Variants in CPS1 observed in about 807,000 individuals in gnomAD.
The protein encoded by CPS1 is carbamoyl-phosphate synthase [ammonia], mitochondrial.
Under a neutral mutation model 174.6 loss-of-function variants are expected in CPS1, and 109 were observed. That is an observed-to-expected ratio of 0.62 (90% CI 0.53 to 0.73). The LOEUF is 0.73. Among genes scored for constraint, CPS1 ranks in the 30% least tolerant of loss-of-function variants. The probability of loss-of-function intolerance (pLI) is 0.00; values close to 1 mark genes in which losing one functional copy is unlikely to be tolerated. For missense variants in CPS1, 1,689 were observed against 1,821.9 expected, an observed-to-expected ratio of 0.93 and a Z score of 1.33; for synonymous variants, 637 against 632.0, an observed-to-expected ratio of 1.01 and a Z score of -0.12.
intron 18 of CPS1, among the ~76,000 whole-genome samples, chr2:210,608,131 A>C (rs1450464094): frequency 6.6e-6 from 1 of 151,912 alleles, no homozygotes; most frequent in Non-Finnish European, 1.5e-5. Flanking sequence ...GTAGCAATGC[A>C]TGTAGTGCAC....
chr2:210,674,854 G>A (rs775882461), intron 34 of CPS1, 48 bp from the exon 35 acceptor site: 2 of 1,396,712 alleles, frequency 1.4e-6, no homozygotes, highest in South Asian at 2.3e-5. Context: ...TTGCATAAAT[G>A]AAGAGCATGT....
chr2:210,545,178 TG>T (rs1337019262), intron 1 of CPS1, among the ~76,000 whole-genome samples: 2 of 152,088 alleles, frequency 1.3e-5, no homozygotes, highest in East Asian at 3.9e-4. Flanking sequence ...GGTCTGGTCA[TG>T]GCAATCCTGT....
intron 1 of CPS1, among the ~76,000 whole-genome samples, chr2:210,560,043 G>A (rs1022759858): frequency 6.6e-6 from 1 of 151,976 alleles, no homozygotes; most frequent in Non-Finnish European, 1.5e-5. Flanking sequence ...TATTTGATAA[G>A]AATTCTCAAA....
At chr2:210,607,960 A>G (rs1468077065) in intron 18 of CPS1, among the ~76,000 whole-genome samples, 1 of 151,900 alleles carries the variant, frequency 6.6e-6, no homozygotes, top group East Asian at 1.9e-4. Context: ...ACTCCACTGT[A>G]TTCTTAGGTA....
In CPS1 at chr2:210,648,003, T is replaced by C. The variant is rs761077723; in HGVS notation, c.3282T>C (p.Ala1094=). 5 of 1,614,054 alleles carry C rather than the reference T, an allele frequency of 3.1e-6. No individual in the cohort carries two copies. The African/African-American group carries it at 6.7e-5, about 22-fold the overall frequency. ...CTGAGGATCGCTCCATCTTCTCAGC[T>C]GTCTTGGATGAGCTGAAGGTGGCTC... ...DRAEDRSIFS[A]VLDELKVAQA... Residue 1094 remains alanine, a synonymous_variant, in exon 26 of 38, where the codon GCT becomes GCC. Transcript: ENST00000233072.
chr2:210,674,723 G>A (rs1701462739), intron 34 of CPS1, 179 bp from the exon 35 acceptor site: 8 of 634,504 alleles, frequency 1.3e-5, no homozygotes, highest in Non-Finnish European at 2.0e-5. Flanking sequence ...TTGACATTGG[G>A]ATATAGCTAA....
At chr2:210,486,246 C>G (rs1486209061) in intron 1 of CPS1, among the ~76,000 whole-genome samples, 2 of 151,248 alleles carry the variant, frequency 1.3e-5, no homozygotes, top group East Asian at 3.9e-4. Flanking sequence ...TGTTTATTTA[C>G]TTAATATTAT....
At chr2:210,623,133 A>G (rs74583594) in intron 21 of CPS1, among the ~76,000 whole-genome samples, 10,195 of 151,988 alleles carry the variant, frequency 0.067, 475 homozygotes, top group East Asian at 0.13. Context: ...TGTGCATTCC[A>G]TTCATTTTGG....
chr2:210,495,140 C>T (rs988157768), intron 1 of CPS1, among the ~76,000 whole-genome samples: 5 of 152,154 alleles, frequency 3.3e-5, no homozygotes, highest in South Asian at 2.1e-4. Flanking sequence ...ATTTTTTATT[C>T]CCAGCCTCAA....
intron 1 of CPS1, among the ~76,000 whole-genome samples, chr2:210,507,031 A>G (rs939428901): frequency 4.6e-5 from 7 of 152,234 alleles, no homozygotes; most frequent in Non-Finnish European, 1.0e-4. Context: ...AGAGAACGCC[A>G]CAAAGATACT....
At chr2:210,656,709 T>TA in intron 30 of CPS1, 77 bp downstream of exon 30, 7 of 981,340 alleles carry the variant, frequency 7.1e-6, no homozygotes, top group East Asian at 2.6e-5. Flanking sequence ...TTTTTTTTTT[T>TA]AAAGCTAGGT....
At chr2:210,673,682 A>G (rs1163593219) in intron 34 of CPS1, 4 of 152,204 alleles carry the variant, frequency 2.6e-5, no homozygotes, top group Non-Finnish European at 5.9e-5. Context: ...TGTAATTATA[A>G]TAATATTTAT....
intron 1 of CPS1, among the ~76,000 whole-genome samples, chr2:210,502,346 GA>G (rs1206227065): frequency 6.8e-6 from 1 of 146,930 alleles, no homozygotes; most frequent in African/African-American, 2.5e-5. Context: ...ACCATCTTGG[GA>G]AAAAATAATC....
At chr2:210,664,581 C>T (rs764230438) in intron 33 of CPS1, among the ~76,000 whole-genome samples, 4 of 152,050 alleles carry the variant, frequency 2.6e-5, no homozygotes, top group African/African-American at 7.2e-5. Context: ...TCAGGTGATC[C>T]GCCCGCTACA....
intron 32 of CPS1, among the ~76,000 whole-genome samples, chr2:210,662,726 G>A (rs553717886): frequency 2.6e-5 from 4 of 152,324 alleles, no homozygotes; most frequent in African/African-American, 7.2e-5. Context: ...ATCAGAACAA[G>A]AAGAGGAATG....
intron 1 of CPS1, among the ~76,000 whole-genome samples, chr2:210,512,562 T>G (rs974326947): frequency 5.9e-5 from 9 of 151,522 alleles, no homozygotes; most frequent in African/African-American, 2.2e-4. Context: ...CTGTGTAATA[T>G]TCTATGGTAT....
rs145299707 is a variant in CPS1, at chr2:210,674,000, C to T, written c.4102-902C>T. 4.6e-5 allele frequency: 7 copies of T among 152,220 alleles called. No homozygotes were observed. In the East Asian group the frequency reaches 1.2e-3, roughly 25 times the overall value. 9.4% of individuals were successfully genotyped at this position (152,220 alleles called of 1,614,324 possible). Reference sequence around the variant, plus strand: ...TCATACCACTAGTGAATGGTGAAAGCCAGGATTTGAAATGCAGCTAACTGA... The same window carrying T: ...TCATACCACTAGTGAATGGTGAAAGTCAGGATTTGAAATGCAGCTAACTGA... On this transcript the variant is annotated intron_variant, in intron 34 of 37. Transcript: ENST00000233072.
At position 210,606,904 on chromosome 2, in the gene CPS1, C is replaced by T. The variant is rs753381839; in HGVS notation, c.2155C>T (p.Leu719=). The change falls in exon 18 of 38, where the codon CTG becomes TTG. Residue 719 remains leucine (L), a synonymous_variant. Coordinates refer to ENST00000233072, the MANE Select transcript of CPS1 (RefSeq NM_001875.5). ...EYCIIEVNAR[L]SRSSALASKA... Reference sequence around the variant, plus strand: ...CTGCATCATTGAAGTGAATGCCAGACTGTCCCGAAGCTCTGCTCTGGCCTC... The same window carrying T: ...CTGCATCATTGAAGTGAATGCCAGATTGTCCCGAAGCTCTGCTCTGGCCTC... 3.1e-6 allele frequency: 5 copies of T among 1,612,442 alleles called. No individual in the cohort carries two copies. The East Asian group carries it at 8.9e-5, about 29-fold the overall frequency.
intron 1 of CPS1, among the ~76,000 whole-genome samples, chr2:210,500,195 C>A (rs1695104005): frequency 6.6e-6 from 1 of 152,080 alleles, no homozygotes; most frequent in South Asian, 2.1e-4. Flanking sequence ...CCCTTGACAC[C>A]TGGGGATTAT....
Sources: gnomAD v4.1 joint callset for allele counts (sites outside exome capture counted in the v4.1 genomes callset) on GRCh38, gnomAD v4.1.1 for gene constraint, MANE v1.5 for transcripts, NCBI Gene and HGNC (gene_info 2026-07-23, HGNC 2026-07-21) for gene names.